The following ADAM9 variants were observed in gnomAD, a reference collection of about 807,000 sequenced individuals.
ADAM9 encodes the protein ADAM metallopeptidase domain 9, also known as disintegrin and metalloproteinase domain-containing protein 9.
In ADAM9, 54 loss-of-function variants were observed where a neutral mutation model predicts 108.1. That is an observed-to-expected ratio of 0.50 (90% CI 0.40 to 0.63). ADAM9 has a LOEUF of 0.63. Ranked by LOEUF, ADAM9 falls within the 20% of genes least tolerant of loss-of-function variation. The pLI is 0.00. For synonymous variants in ADAM9, 316 were observed against 336.0 expected (o/e 0.94, Z 0.65); for missense variants, 830 against 997.7 (o/e 0.83, Z 2.26).
intron 14 of ADAM9, among the ~76,000 whole-genome samples, chr8:39,058,876 G>C (rs374993724): frequency 6.6e-6 from 1 of 152,258 alleles, no homozygotes; most frequent in African/African-American, 2.4e-5. Flanking sequence ...ACCTGGACAC[G>C]TGAATCCTGG....
At chr8:39,088,707 G>A (rs1360084538) in intron 18 of ADAM9, among the ~76,000 whole-genome samples, 1 of 152,102 alleles carries the variant, frequency 6.6e-6, no homozygotes, top group Non-Finnish European at 1.5e-5. Flanking sequence ...AAGTTCTAAT[G>A]AAACTTAAAA....
At chr8:39,093,760 ATTTC>A (rs1290561772) in intron 20 of ADAM9, among the ~76,000 whole-genome samples, 3 of 151,842 alleles carry the variant, frequency 2.0e-5, no homozygotes, top group South Asian at 2.1e-4. Context: ...GAGGTTCATT[ATTTC>A]TTTCTTTCTT....
rs796716768 is a variant in ADAM9 at position 39,088,864 on chromosome 8, A to G, written c.2069-1183A>G. 2.4e-4 allele frequency among the ~76,000 whole-genome samples: 37 copies of G among 152,318 alleles called. 1 individual carries two copies. Among genetic ancestry groups the G allele is most frequent in the African/African-American group, 8.9e-4 (37 of 41,570 alleles). On this transcript the variant is annotated intron_variant, in intron 18 of 21. Transcript: ENST00000487273. ...ACAAAGCTAATCTCTCTAATATATAAAGAACTTTTAGAAATTAAGAAGAAA... is the reference window on the plus strand; with the variant it reads ...ACAAAGCTAATCTCTCTAATATATAGAGAACTTTTAGAAATTAAGAAGAAA...
At chr8:39,076,505 T>C (rs1400072568) in intron 15 of ADAM9, among the ~76,000 whole-genome samples, 1 of 152,192 alleles carries the variant, frequency 6.6e-6, no homozygotes, top group African/African-American at 2.4e-5. Flanking sequence ...CTATGATGAC[T>C]GGGCAGTGAT....
Position 39,055,680 on chromosome 8 carries a change from A to G in ADAM9, c.1499A>G (p.Gln500Arg). 6.2e-7 allele frequency: 1 copy of G among 1,613,826 alleles called. No homozygotes were observed. The highest frequency in any genetic ancestry group is 8.5e-7 in the Non-Finnish European group (1 of 1,179,784). The change falls in exon 14 of 22, where the codon CAG becomes CGG. Residue 500 changes from glutamine to arginine, a missense_variant. By Grantham distance (43) the Gln-to-Arg change is conservative. Around this residue, in one of 3 missense-constraint regions of ADAM9, gnomAD observed 381 missense variants for 539.8 expected, o/e 0.71. Coordinates refer to ENST00000487273, the MANE Select transcript of ADAM9 (RefSeq NM_003816.3). ...SQFCQPDVFIQNGYPCQNNKA... is the reference protein window; with the variant it reads ...SQFCQPDVFIRNGYPCQNNKA... ...TTCTGTCAGCCAGATGTTTTTATTC[A>G]GAATGGATATCCTTGCCAGAATAAC...
intron 6 of ADAM9, chr8:39,018,636 AT>A (rs1836627696): frequency 3.5e-6 from 2 of 573,222 alleles, no homozygotes; most frequent in African/African-American, 3.7e-5. Context: ...ATAGTTTATC[AT>A]CACTTAAAGT....
rs540965166 is a variant in ADAM9 at position 39,022,239 on chromosome 8, C to T, written c.744+525C>T. ...ATATGAACATTAAACGTGATGATGA[C>T]GATGATGATGATAGCATTCACTTGA... On this transcript the variant is annotated intron_variant, in intron 8 of 21. Coordinates refer to ENST00000487273, the MANE Select transcript of ADAM9 (RefSeq NM_003816.3). Among the ~76,000 whole-genome samples the T allele has an allele frequency of 1.1e-4, 17 of 152,112 alleles. No homozygotes were observed. The East Asian group carries it at 1.2e-3, about 10-fold the overall frequency.
At chr8:39,028,673 C>A (rs1276148154) in intron 11 of ADAM9, among the ~76,000 whole-genome samples, 1 of 152,190 alleles carries the variant, frequency 6.6e-6, no homozygotes, top group Non-Finnish European at 1.5e-5. Context: ...GCACTGACCA[C>A]CTGCCAGACT....
At chr8:39,074,051 T>C (rs1354306421) in intron 15 of ADAM9, among the ~76,000 whole-genome samples, 1 of 152,162 alleles carries the variant, frequency 6.6e-6, no homozygotes, top group African/African-American at 2.4e-5. Flanking sequence ...TGGGTGTTAG[T>C]ACTAAGAGGA....
chr8:39,035,376 T>A (rs571256701), intron 11 of ADAM9, among the ~76,000 whole-genome samples: 6 of 152,354 alleles, frequency 3.9e-5, no homozygotes, highest in Admixed American at 3.9e-4. Context: ...TAAGCATAAA[T>A]GTCTTATGGC....
intron 19 of ADAM9, 134 bp downstream of exon 19, chr8:39,090,322 C>T (rs938090582): frequency 8.8e-6 from 6 of 680,878 alleles, no homozygotes; most frequent in South Asian, 2.0e-5. Flanking sequence ...ACAGGCACAC[C>T]ACCACACCCA....
At chr8:39,009,636 T>G (rs1045469754) in intron 2 of ADAM9, among the ~76,000 whole-genome samples, 1 of 152,248 alleles carries the variant, frequency 6.6e-6, no homozygotes, top group Non-Finnish European at 1.5e-5. Flanking sequence ...CCCTCATTAA[T>G]ACTTGGGATC....
At chr8:39,055,812 T>C (rs374207553) in intron 14 of ADAM9, 40 bp downstream of exon 14, 2 of 1,569,232 alleles carry the variant, frequency 1.3e-6, no homozygotes, top group African/African-American at 1.4e-5. Flanking sequence ...TTCGATATTA[T>C]TTATTTTTGA....
intron 18 of ADAM9, among the ~76,000 whole-genome samples, chr8:39,088,535 G>T (rs996176238): frequency 1.3e-5 from 2 of 152,132 alleles, no homozygotes; most frequent in South Asian, 4.1e-4. Context: ...GGGATTACAG[G>T]TGTGAGCCAC....
chr8:39,009,142 A>G (rs935846339), intron 2 of ADAM9, among the ~76,000 whole-genome samples: 1 of 152,044 alleles, frequency 6.6e-6, no homozygotes, highest in African/African-American at 2.4e-5. Context: ...TGGTCACTCA[A>G]CTCCATTTAC....
rs1335152759 is a variant in ADAM9, at chr8:39,104,707, G to T, written c.*1007G>T. The T allele has an allele frequency of 1.5e-5, 7 of 453,676 alleles. No homozygotes were observed. The highest frequency in any genetic ancestry group is 2.6e-5 in the Non-Finnish European group (6 of 226,644). 28.1% of individuals were successfully genotyped at this position (453,676 alleles called of 1,614,324 possible). On this transcript the variant is annotated 3_prime_UTR_variant, in exon 22 of 22. Transcript: ENST00000487273. ...AATATTAGACACTAATATTTTCATA[G>T]AAATTAGGCTGGAGAAAGAAGGAAG... is the stretch of plus-strand genomic sequence containing the variant.
At chr8:39,087,734 G>A (rs548529736) in intron 18 of ADAM9, among the ~76,000 whole-genome samples, 1 of 152,230 alleles carries the variant, frequency 6.6e-6, no homozygotes, top group Non-Finnish European at 1.5e-5. Flanking sequence ...TTTAAATTTT[G>A]TGTACTCATT....
chr8:39,023,340 T>G lies in ADAM9; in HGVS notation c.914+15T>G. 1 of 1,602,708 alleles carries G rather than the reference T, an allele frequency of 6.2e-7. No individual in the cohort carries two copies. Among genetic ancestry groups the G allele is most frequent in the Non-Finnish European group, 8.5e-7 (1 of 1,174,592 alleles). On this transcript the variant is annotated intron_variant, in intron 9 of 21. Transcript: ENST00000487273. ...CAGCTAGTTCTGTAAGTATTTTTTT[T>G]TTAAGTACTATTAATGAAATAATCA...
chr8:39,033,416 T>A (rs895630783), intron 11 of ADAM9, among the ~76,000 whole-genome samples: 5 of 152,110 alleles, frequency 3.3e-5, no homozygotes. Context: ...TTGTTTTCTT[T>A]TCTCACTGCA....
Sources: gnomAD v4.1 joint callset for allele counts (sites outside exome capture counted in the v4.1 genomes callset) on GRCh38, gnomAD v4.1.1 for gene constraint, gnomAD v4.1.1 regional missense constraint, MANE v1.5 for transcripts, NCBI Gene and HGNC (gene_info 2026-07-23, HGNC 2026-07-21) for gene names.